The following ASTE1 variants were observed in gnomAD, a reference collection of about 807,000 sequenced individuals.
ASTE1 encodes the protein single-strand DNA endonuclease ASTE1.
ASTE1 carries 49 observed loss-of-function variants against 45.8 expected under a neutral mutation model. The observed-to-expected ratio is 1.07, with a 90% CI of 0.85 to 1.36. The LOEUF (loss-of-function observed/expected upper bound fraction) is 1.36. ASTE1 is among the 40% of genes most tolerant of loss of function. The pLI, the probability that ASTE1 is intolerant of heterozygous loss-of-function variation, is 0.00. For missense variants in ASTE1, 709 were observed against 804.0 expected, an observed-to-expected ratio of 0.88 and a Z score of 1.43; for synonymous variants, 296 against 303.9, an observed-to-expected ratio of 0.97 and a Z score of 0.27.
chr3:131,016,738 TAAAG>T (rs1577101084), intron 4 of ASTE1: 1 of 329,050 alleles, frequency 3.0e-6, no homozygotes, highest in Non-Finnish European at 5.9e-6. Flanking sequence ...GCATTTGTGT[TAAAG>T]AAACAACCTG....
chr3:131,024,087 C>A lies in ASTE1; in HGVS notation c.1220G>T (p.Arg407Met). ...PQPLAFSEVERINKNIRTSII... is the reference protein window; with the variant it reads ...PQPLAFSEVEMINKNIRTSII... ...TGAGGTTCTGATATTTTTATTAATC[C>A]TTTCCACTTCACTGAAAGCTAGAGG... The change falls in exon 3 of 6, where the codon AGG becomes ATG. Residue 407 changes from arginine (R) to methionine (M), a missense_variant. Physicochemically the swap from Arg to Met is moderately conservative, Grantham distance 91. Transcript: ENST00000264992. The A allele has an allele frequency of 6.2e-7, 1 of 1,614,140 alleles. No individual in the cohort carries two copies. The highest frequency in any genetic ancestry group is 8.5e-7 in the Non-Finnish European group (1 of 1,180,000).
chr3:131,014,851 GCTGATAAA>G (rs2063520946), intron 5 of ASTE1, among the ~76,000 whole-genome samples: 2 of 152,172 alleles, frequency 1.3e-5, no homozygotes, highest in African/African-American at 4.8e-5. Context: ...TATGGACAAA[GCTGATAAA>G]CTGGTACCTT....
In ASTE1 at chr3:131,013,949, C is replaced by A; in HGVS notation, c.*108G>T. ...AATTCAGATTATTGTGATGTTTATC[C>A]CCTAACAGGTCAGTCCTAAAGAAAA... On this transcript the variant is annotated 3_prime_UTR_variant, in exon 6 of 6. Transcript: ENST00000264992. 3 of 686,964 alleles carry A rather than the reference C, an allele frequency of 4.4e-6. No homozygotes were observed. The highest frequency in any genetic ancestry group is 7.0e-6 in the Non-Finnish European group (3 of 428,726). 42.6% of individuals were successfully genotyped at this position (686,964 alleles called of 1,614,324 possible).
In ASTE1 at chr3:131,024,692, A is replaced by G; in HGVS notation, c.615T>C (p.His205=). 1 of 1,596,994 alleles carries G rather than the reference A, an allele frequency of 6.3e-7. No homozygotes were observed. Among genetic ancestry groups the G allele is most frequent in the Non-Finnish European group, 8.5e-7 (1 of 1,171,654 alleles). ...AKCFSLDAFC[H]HFSNMNKALL... ...GAGCTTTATTCATATTGCTGAAGTGATGGCAGAATGCATCAAGGGAAAAGC... is the reference window on the plus strand; with the variant it reads ...GAGCTTTATTCATATTGCTGAAGTGGTGGCAGAATGCATCAAGGGAAAAGC... The change falls in exon 3 of 6, where the codon CAT becomes CAC. Residue 205 remains histidine (H), a synonymous_variant. Coordinates refer to ENST00000264992, the MANE Select transcript of ASTE1 (RefSeq NM_014065.4).
Position 131,025,296 on chromosome 3 carries a change from C to T in ASTE1, c.11G>A (p.Arg4Gln), listed in dbSNP as rs950290852. 4 of 1,611,918 alleles carry T rather than the reference C, an allele frequency of 2.5e-6. No homozygotes were observed. The highest frequency in any genetic ancestry group is 1.7e-5 in the Admixed American group (1 of 59,872). The change falls in exon 3 of 6, where the codon CGA (arginine) becomes CAA (glutamine). Residue 4 changes from arginine (R) to glutamine (Q), a missense_variant. Transcript: ENST00000264992. MGI[R>Q]GLMSFVEDHS... ...ATCTTCCACAAAACTCATTAGTCCT[C>T]GGATACCCATGATGACAGTCTAAAG...
chr3:131,016,226 A>C lies in ASTE1; in HGVS notation c.1627T>G (p.Cys543Gly), dbSNP rs923945179. 6.2e-7 allele frequency: 1 copy of C among 1,614,178 alleles called. No homozygotes were observed. The highest frequency in any genetic ancestry group is 1.1e-5 in the South Asian group (1 of 91,076). ...RLDLDTAHIF[C>G]QWQSCLQMGM... ...ATCTGGAGACAGGACTGCCACTGAC[A>C]GAAGATGTGAGCTGTGTCTAAGTCC... is the stretch of plus-strand genomic sequence containing the variant. Residue 543 changes from cysteine to glycine, a missense_variant, in exon 5 of 6, where the codon TGT becomes GGT. Cys to Gly is a radical substitution (Grantham distance 159). Transcript: ENST00000264992.
chr3:131,021,248 A>G (rs1239910990), intron 3 of ASTE1, among the ~76,000 whole-genome samples: 2 of 152,238 alleles, frequency 1.3e-5, no homozygotes, highest in African/African-American at 2.4e-5. Flanking sequence ...CAGAAACTTC[A>G]TATAATAGAG....
chr3:131,025,546 G>A lies in ASTE1; in HGVS notation c.-98C>T. On this transcript the variant is annotated 5_prime_UTR_variant, in exon 2 of 6. Coordinates refer to ENST00000264992, the MANE Select transcript of ASTE1 (RefSeq NM_014065.4). ...TTCTGATACAAGGCACAAATTCAATGGTTTCATGGGTTGTAATCTTTGGAT... is the reference window on the plus strand; with the variant it reads ...TTCTGATACAAGGCACAAATTCAATAGTTTCATGGGTTGTAATCTTTGGAT... 1 of 565,818 alleles carries A rather than the reference G, an allele frequency of 1.8e-6. No homozygotes were observed. The highest frequency in any genetic ancestry group is 3.5e-5 in the South Asian group (1 of 28,492). 35.0% of individuals were successfully genotyped at this position (565,818 alleles called of 1,614,324 possible).
In ASTE1 at chr3:131,014,241, A is replaced by G. The variant is rs145647315; in HGVS notation, c.1856T>C (p.Ile619Thr). 47 of 1,613,236 alleles carry G rather than the reference A, an allele frequency of 2.9e-5. No individual in the cohort carries two copies. The African/African-American group carries it at 3.1e-4, about 11-fold the overall frequency. ...NATRSYAPAE[I>T]FLPKGRSNSK... ...ATTTGATCTACCTTTTGGTAGGAAT[A>G]TTTCAGCGGGGGCATATGACCTTGT... The change falls in exon 6 of 6, where the codon ATA becomes ACA. Residue 619 changes from isoleucine to threonine, a missense_variant. By Grantham distance (89) the Ile-to-Thr change is moderately conservative (BLOSUM62 -1). Coordinates refer to ENST00000264992, the MANE Select transcript of ASTE1 (RefSeq NM_014065.4).
intron 3 of ASTE1, among the ~76,000 whole-genome samples, chr3:131,019,481 A>G (rs1469189969): frequency 3.3e-5 from 5 of 152,256 alleles, no homozygotes; most frequent in Non-Finnish European, 7.3e-5. Context: ...TAAAACAGCT[A>G]TAAGAGCACT....
intron 4 of ASTE1, chr3:131,016,613 A>G (rs2063642916): frequency 2.2e-6 from 1 of 450,158 alleles, no homozygotes. Flanking sequence ...CTGACCATAA[A>G]CATGTCTGCA....
chr3:131,025,113 T>G lies in ASTE1; in HGVS notation c.194A>C (p.Glu65Ala). The change falls in exon 3 of 6, where the codon GAA becomes GCA. Residue 65 changes from glutamate to alanine, a missense_variant. Coordinates refer to ENST00000264992, the MANE Select transcript of ASTE1 (RefSeq NM_014065.4). ...SFADVVQKFF[E>A]SLFACNICPY... ...GCATATATTACAAGCAAACAGTGAT[T>G]CAAAGAATTTTTGTACAACATCTGC... 6.2e-7 allele frequency: 1 copy of G among 1,614,166 alleles called. No homozygotes were observed. The highest frequency in any genetic ancestry group is 1.1e-5 in the South Asian group (1 of 91,068).
In ASTE1 at chr3:131,013,891, T is replaced by C; in HGVS notation, c.*166A>G. On this transcript the variant is annotated 3_prime_UTR_variant, in exon 6 of 6. Transcript: ENST00000264992. The stretch of plus-strand genomic sequence containing the variant: ...TACAGAAGCTTCTTAAATCAGGTTG[T>C]ATTTATTAAAAACAAAATACAAAAT... The C allele has an allele frequency of 1.8e-6, 1 of 548,166 alleles. No homozygotes were observed. Among genetic ancestry groups the C allele is most frequent in the East Asian group, 3.1e-5 (1 of 32,574 alleles). 34.0% of individuals were successfully genotyped at this position (548,166 alleles called of 1,614,324 possible). A position where few individuals can be genotyped will look rare whatever the true frequency, so the allele number is the denominator to read the frequency against.
Position 131,014,316 on chromosome 3 carries a change from AGG to A in ASTE1, c.1779_1780del (p.Leu594GlufsTer5), listed in dbSNP as rs1384203321. The A allele has an allele frequency of 6.2e-7, 1 of 1,614,024 alleles. No individual in the cohort carries two copies. Among genetic ancestry groups the A allele is most frequent in the Admixed American group, 1.7e-5 (1 of 59,992 alleles). On this transcript the variant is annotated frameshift_variant, in exon 6 of 6. Coordinates refer to ENST00000264992, the MANE Select transcript of ASTE1 (RefSeq NM_014065.4). LOFTEE classifies it low-confidence loss of function (END_TRUNC). ...TTGCTTAGCCTCAGGACATATGCTC[AGG>A]AGACTTTCTACAGAGGTCGATGCTA...
Position 131,024,414 on chromosome 3 carries a change from T to G in ASTE1, c.893A>C (p.Glu298Ala). The part of the protein sequence containing the change: ...VKELLCCSME[E>A]YQQSQVKLQD... ...TAGCTTCACCTGGGACTGTTGGTAT[T>G]CTTCCATGGAACAGCAGAGAAGTTC... The change falls in exon 3 of 6, where the codon GAA becomes GCA. Residue 298 changes from glutamate (E) to alanine (A), a missense_variant. Glu to Ala is a moderately radical substitution (Grantham distance 107). Coordinates refer to ENST00000264992, the MANE Select transcript of ASTE1 (RefSeq NM_014065.4). 1 of 1,614,232 alleles carries G rather than the reference T, an allele frequency of 6.2e-7. No homozygotes were observed. Among genetic ancestry groups the G allele is most frequent in the Non-Finnish European group, 8.5e-7 (1 of 1,180,042 alleles).
At chr3:131,026,019 C>T (rs2063862708) in intron 1 of ASTE1, among the ~76,000 whole-genome samples, 3 of 152,216 alleles carry the variant, frequency 2.0e-5, no homozygotes, top group Admixed American at 6.5e-5. Context: ...GCTTCCTCAC[C>T]TGGCTAACTT....
chr3:131,019,290 G>A (rs1390622456), intron 3 of ASTE1, among the ~76,000 whole-genome samples: 1 of 152,150 alleles, frequency 6.6e-6, no homozygotes, highest in Non-Finnish European at 1.5e-5. Flanking sequence ...CTTCCCTGTT[G>A]AATGCTTTAT....
intron 3 of ASTE1, 33 bp from the exon 4 acceptor site, chr3:131,018,749 CT>C (rs1237280188): frequency 1.9e-6 from 3 of 1,600,398 alleles, no homozygotes; most frequent in Non-Finnish European, 2.6e-6. Context: ...CTGCAAGTTA[CT>C]TTGGGAAATG....
At chr3:131,021,111 TTA>T (rs2063736411) in intron 3 of ASTE1, among the ~76,000 whole-genome samples, 1 of 152,272 alleles carries the variant, frequency 6.6e-6, no homozygotes, top group African/African-American at 2.4e-5. Context: ...AAAATTTAAA[TTA>T]GAGTATATTA....
Sources: gnomAD v4.1 joint callset for allele counts (sites outside exome capture counted in the v4.1 genomes callset) on GRCh38, gnomAD v4.1.1 for gene constraint, MANE v1.5 for transcripts, NCBI Gene and HGNC (gene_info 2026-07-23, HGNC 2026-07-21) for gene names.